Variants in OLFML2B observed in about 807,000 individuals in gnomAD.
The protein encoded by OLFML2B is olfactomedin-like protein 2B.
Under a neutral mutation model 74.9 loss-of-function variants are expected in OLFML2B, and 57 were observed. That is an observed-to-expected ratio of 0.76 (90% CI 0.61 to 0.95). OLFML2B has a LOEUF of 0.95. OLFML2B is among the 40% of genes least tolerant of loss of function. The pLI is 0.00. For synonymous variants in OLFML2B, 388 were observed against 405.8 expected (o/e 0.96, Z 0.53); for missense variants, 986 against 970.6 (o/e 1.02, Z -0.21).
At chr1:161,987,500 T>C (rs1472790059) in intron 6 of OLFML2B, among the ~76,000 whole-genome samples, 5 of 152,096 alleles carry the variant, frequency 3.3e-5, no homozygotes, top group African/African-American at 1.2e-4. Flanking sequence ...ACTGAAGTGA[T>C]GTGGCCACAA....
chr1:162,011,385 A>C (rs900085838), intron 3 of OLFML2B, among the ~76,000 whole-genome samples: 4 of 152,200 alleles, frequency 2.6e-5, no homozygotes, highest in Admixed American at 6.5e-5. Context: ...AGTTCCCATC[A>C]GCTCACCGTG....
chr1:162,020,444 A>G (rs1690671702), intron 1 of OLFML2B, among the ~76,000 whole-genome samples: 1 of 152,212 alleles, frequency 6.6e-6, no homozygotes, highest in Non-Finnish European at 1.5e-5. Context: ...TATTTAAAGG[A>G]AAAACCAGAT....
intron 3 of OLFML2B, 30 bp from the exon 4 acceptor site, chr1:162,006,503 T>G: frequency 6.5e-7 from 1 of 1,527,752 alleles, no homozygotes; most frequent in Non-Finnish European, 8.8e-7. Context: ...GATGATCCAT[T>G]AAAGCACCCT....
intron 3 of OLFML2B, among the ~76,000 whole-genome samples, chr1:162,010,930 G>C (rs909262838): frequency 2.4e-4 from 36 of 152,166 alleles, no homozygotes; most frequent in Admixed American, 3.3e-4. Context: ...ATGTGGTACA[G>C]TGCTGGGCAA....
chr1:162,000,360 A>G lies in OLFML2B; in HGVS notation c.724-22T>C, dbSNP rs369680383. ...CATACTGCTCCTCAGAGGGGACACA[A>G]GGGAAGGTCAGGTCACTGGTCAGAG... On this transcript the variant is annotated intron_variant, in intron 4 of 7. Coordinates refer to ENST00000294794, the MANE Select transcript of OLFML2B (RefSeq NM_015441.3). 3.1e-6 allele frequency: 5 copies of G among 1,600,682 alleles called. No individual in the cohort carries two copies. The African/African-American group carries it at 5.4e-5, about 17-fold the overall frequency.
intron 1 of OLFML2B, 62 bp from the exon 2 acceptor site, chr1:162,020,244 G>A: frequency 6.3e-7 from 1 of 1,583,802 alleles, no homozygotes; most frequent in Non-Finnish European, 8.6e-7. Flanking sequence ...CCTCCAGAAG[G>A]AGGCTCTCCA....
intron 6 of OLFML2B, among the ~76,000 whole-genome samples, chr1:161,987,470 A>G (rs1238297269): frequency 6.6e-6 from 1 of 152,184 alleles, no homozygotes; most frequent in East Asian, 1.9e-4. Flanking sequence ...GGAGGAAGCA[A>G]TGTGATGAAA....
chr1:161,992,211 C>T (rs535910938), intron 6 of OLFML2B, among the ~76,000 whole-genome samples: 10 of 152,360 alleles, frequency 6.6e-5, no homozygotes, highest in East Asian at 1.9e-4. Context: ...CTAAATCTCA[C>T]GAACCAGCCT....
chr1:161,983,591 C>A lies in OLFML2B; in HGVS notation c.*84G>T. 7.1e-7 allele frequency: 1 copy of A among 1,406,836 alleles called. No homozygotes were observed. The highest frequency in any genetic ancestry group is 2.3e-5 in the East Asian group (1 of 43,364). The allele number at this position is 1,406,836 out of a possible 1,614,324, so 87.1% of individuals were successfully genotyped here. A position where few individuals can be genotyped will look rare whatever the true frequency, so the allele number is the denominator to read the frequency against. On this transcript the variant is annotated 3_prime_UTR_variant, in exon 8 of 8. Transcript: ENST00000294794. ...AATATATATTTTTAAACAACACATACCCACCTACACACACGTGCGCGCACA... is the reference window on the plus strand; with the variant it reads ...AATATATATTTTTAAACAACACATAACCACCTACACACACGTGCGCGCACA...
At chr1:162,020,501 G>C (rs572339901) in intron 1 of OLFML2B, among the ~76,000 whole-genome samples, 1 of 152,064 alleles carries the variant, frequency 6.6e-6, no homozygotes, top group African/African-American at 2.4e-5. Context: ...CTACAATCCA[G>C]GTTTAGGCTT....
At chr1:162,008,942 A>G (rs1393795469) in intron 3 of OLFML2B, among the ~76,000 whole-genome samples, 1 of 152,194 alleles carries the variant, frequency 6.6e-6, no homozygotes, top group Non-Finnish European at 1.5e-5. Context: ...GCACCTGCTG[A>G]GAGCAACACC....
At chr1:161,985,093 C>T (rs764463322) in intron 6 of OLFML2B, 113 bp from the exon 7 acceptor site, 91 of 1,040,612 alleles carry the variant, frequency 8.7e-5, no homozygotes, top group Non-Finnish European at 1.2e-4. Context: ...CTTTAACAGC[C>T]CTGTATAACC....
At chr1:162,008,021 C>T (rs972274030) in intron 3 of OLFML2B, among the ~76,000 whole-genome samples, 4 of 152,112 alleles carry the variant, frequency 2.6e-5, no homozygotes, top group Admixed American at 6.6e-5. Context: ...TTCCCGGGTG[C>T]GCAGTCACTC....
intron 6 of OLFML2B, 121 bp from the exon 7 acceptor site, chr1:161,985,101 A>T: frequency 1.1e-6 from 1 of 948,642 alleles, no homozygotes; most frequent in Non-Finnish European, 1.5e-6. Flanking sequence ...GCCCTGTATA[A>T]CCTGACCCCA....
At chr1:162,020,766 C>T (rs1206513544) in intron 1 of OLFML2B, among the ~76,000 whole-genome samples, 3 of 152,120 alleles carry the variant, frequency 2.0e-5, no homozygotes, top group African/African-American at 2.4e-5. Flanking sequence ...CCACCTGCCC[C>T]GGCCTCCCAA....
rs571530515 is a variant in OLFML2B at position 162,009,350 on chromosome 1, T to C, written c.547-2877A>G. 4.6e-5 allele frequency among the ~76,000 whole-genome samples: 7 copies of C among 152,320 alleles called. No individual in the cohort carries two copies. In the East Asian group the frequency reaches 1.4e-3, roughly 29 times the overall value. On this transcript the variant is annotated intron_variant, in intron 3 of 7. Coordinates refer to ENST00000294794, the MANE Select transcript of OLFML2B (RefSeq NM_015441.3). ...TGGTGACACCTCTGGGTGGACTGAC[T>C]GGCTGGGCCTAAGTATCCTTATTAT...
At chr1:162,016,593 T>C (rs1031619795) in intron 3 of OLFML2B, among the ~76,000 whole-genome samples, 5 of 152,244 alleles carry the variant, frequency 3.3e-5, no homozygotes, top group Non-Finnish European at 7.3e-5. Flanking sequence ...TTTCAAGTTA[T>C]CAGTCCAAGA....
chr1:161,985,400 T>C (rs1689564551), intron 6 of OLFML2B, among the ~76,000 whole-genome samples: 1 of 152,130 alleles, frequency 6.6e-6, no homozygotes, highest in African/African-American at 2.4e-5. Context: ...TTTGTGCTTC[T>C]CTCTCCTCCC....
Position 162,006,309 on chromosome 1 carries a change from G to A in OLFML2B, c.711C>T (p.Tyr237=), listed in dbSNP as rs367586166. The A allele has an allele frequency of 1.8e-4, 279 of 1,592,392 alleles. No homozygotes were observed. The highest frequency in any genetic ancestry group is 7.8e-4 in the Admixed American group (43 of 54,874). Residue 237 remains tyrosine (Y), a synonymous_variant, in exon 4 of 8, where the codon TAC becomes TAT. Coordinates refer to ENST00000294794, the MANE Select transcript of OLFML2B (RefSeq NM_015441.3). ...GCTGGGGCTATACCTCTGGGTGGGCGTAGGCTGCTGCTGCATCCCTCTGCA... is the reference window on the plus strand; with the variant it reads ...GCTGGGGCTATACCTCTGGGTGGGCATAGGCTGCTGCTGCATCCCTCTGCA... The part of the protein sequence containing the change: ...SALQRDAAAA[Y]AHPEYEERFL...
Sources: gnomAD v4.1 joint callset for allele counts (sites outside exome capture counted in the v4.1 genomes callset) on GRCh38, gnomAD v4.1.1 for gene constraint, MANE v1.5 for transcripts, NCBI Gene and HGNC (gene_info 2026-07-23, HGNC 2026-07-21) for gene names.